Variants in IARS1 observed in about 807,000 individuals in gnomAD.
IARS1 encodes isoleucyl-tRNA synthetase 1.
In IARS1, 124 loss-of-function variants were observed where a neutral mutation model predicts 168.2. The ratio of observed to expected loss-of-function variants is 0.74; its 90% CI spans 0.64 to 0.86. The LOEUF (loss-of-function observed/expected upper bound fraction) is 0.86. IARS1 is among the 40% of genes least tolerant of loss of function. The pLI is 0.00. For synonymous variants in IARS1, 532 were observed against 529.4 expected (o/e 1.00, Z -0.07); for missense variants, 1,452 against 1,515.8 (o/e 0.96, Z 0.70).
At chr9:92,217,604 C>A (rs969106521) in intron 33 of IARS1, among the ~76,000 whole-genome samples, 1 of 150,622 alleles carries the variant, frequency 6.6e-6, no homozygotes. Context: ...CACCACCGAT[C>A]CCACAGAAAT....
rs755497503 is a variant in IARS1, at chr9:92,277,875, G to A, written c.882C>T (p.Asp294=). The A allele has an allele frequency of 6.2e-6, 10 of 1,613,706 alleles. No homozygotes were observed. In the Admixed American group the frequency reaches 1.3e-4, roughly 22 times the overall value. The change falls in exon 9 of 34, where the codon GAC becomes GAT. Residue 294 remains aspartate (D), a synonymous_variant. Coordinates refer to ENST00000443024, the MANE Select transcript of IARS1 (RefSeq NM_002161.6). ...LKGKKYRPLF[D]YFLKCKENGA... is the part of the protein sequence containing the mutation. ...TCCCTAAGCTTACCTTCAGGAAATA[G>A]TCAAACAGGGGCCTGTACTTCTTGC... is the stretch of plus-strand genomic sequence containing the variant.
rs1296064134 is a variant in IARS1 at position 92,274,530 on chromosome 9, A to C, written c.895-9T>G. 10 of 1,598,752 alleles carry C rather than the reference A, an allele frequency of 6.3e-6. No homozygotes were observed. The highest frequency in any genetic ancestry group is 2.2e-5 in the South Asian group (2 of 90,808). ...GCGCCATTCTCTTTACACTGGAAAG[A>C]AAGGACAGCAGGCTTCAGGGATGAA... On this transcript the variant is annotated splice_polypyrimidine_tract_variant and intron_variant, in intron 9 of 33. Coordinates refer to ENST00000443024, the MANE Select transcript of IARS1 (RefSeq NM_002161.6).
chr9:92,221,133 A>AG (rs1839611145), intron 33 of IARS1, among the ~76,000 whole-genome samples: 1 of 152,196 alleles, frequency 6.6e-6, no homozygotes, highest in African/African-American at 2.4e-5. Flanking sequence ...CAGAGGAACA[A>AG]GGGTAAGATA....
intron 30 of IARS1, among the ~76,000 whole-genome samples, chr9:92,231,591 GTTT>G (rs113987313): frequency 1.6e-5 from 2 of 124,990 alleles, no homozygotes; most frequent in Non-Finnish European, 1.7e-5. Flanking sequence ...TTTTGTATTT[GTTT>G]TTTTTTTTTT....
In IARS1 at chr9:92,253,353, T is replaced by C. The variant is rs780740867; in HGVS notation, c.2229+9A>G. ...CTTTTTGCTTTTCCCAACAGCAGTC[T>C]GCACTTACCTTTAATCTTCTGCGGT... On this transcript the variant is annotated intron_variant, in intron 21 of 33. Coordinates refer to ENST00000443024, the MANE Select transcript of IARS1 (RefSeq NM_002161.6). 1.3e-6 allele frequency: 2 copies of C among 1,588,840 alleles called. No homozygotes were observed. The highest frequency in any genetic ancestry group is 3.3e-5 in the Admixed American group (2 of 59,964).
intron 30 of IARS1, chr9:92,240,556 G>C (rs973413563): frequency 3.8e-5 from 24 of 639,970 alleles, no homozygotes; most frequent in Middle Eastern, 4.0e-4. Context: ...TACCATGCCT[G>C]GCCCTTTTTT....
chr9:92,288,559 A>C (rs1375661145), intron 2 of IARS1, among the ~76,000 whole-genome samples: 1 of 152,152 alleles, frequency 6.6e-6, no homozygotes, highest in African/African-American at 2.4e-5. Context: ...GAGTTATCTC[A>C]TCAGTAAAAT....
Position 92,223,432 on chromosome 9 carries a change from G to GCAGT in IARS1, c.3463_3466dup (p.Ala1156AspfsTer13). 1 of 1,613,816 alleles carries GCAGT rather than the reference G, an allele frequency of 6.2e-7. No individual in the cohort carries two copies. Among genetic ancestry groups the GCAGT allele is most frequent in the Non-Finnish European group, 8.5e-7 (1 of 1,179,720 alleles). On this transcript the variant is annotated frameshift_variant, in exon 32 of 34. Transcript: ENST00000443024. LOFTEE classifies it high-confidence loss of function. ...GTTGATCAGAGAGGGAGCCGATCCT[G>GCAGT]CAGTCACACAAAGTGTTTTTCCACT...
In IARS1 at chr9:92,264,954, C is replaced by A. The variant is rs757340440; in HGVS notation, c.1675G>T (p.Glu559Ter). 6.2e-7 allele frequency: 1 copy of A among 1,613,806 alleles called. No individual in the cohort carries two copies. The highest frequency in any genetic ancestry group is 2.2e-5 in the East Asian group (1 of 44,890). Residue 559 changes from glutamate (E) to a stop codon, truncating the protein, a stop_gained, in exon 16 of 34, where the codon GAG becomes TAG. Coordinates refer to ENST00000443024, the MANE Select transcript of IARS1 (RefSeq NM_002161.6). LOFTEE classifies it high-confidence loss of function. Reference protein sequence around the residue: ...EDAFPADFIAEGIDQTRGWFY... With the variant: ...EDAFPADFIA ...CATCCTCTGGTTTGGTCGATGCCCT[C>A]GGCAATGAAATCTGCAGGAAAAGCA...
At chr9:92,281,619 A>C (rs1834585439) in intron 6 of IARS1, among the ~76,000 whole-genome samples, 1 of 152,202 alleles carries the variant, frequency 6.6e-6, no homozygotes, top group Non-Finnish European at 1.5e-5. Context: ...AAATTGTAAC[A>C]GACCCATATA....
At chr9:92,233,969 G>A (rs1019937887) in intron 30 of IARS1, among the ~76,000 whole-genome samples, 3 of 152,032 alleles carry the variant, frequency 2.0e-5, no homozygotes, top group Admixed American at 6.6e-5. Flanking sequence ...CTTTGTTGCC[G>A]AGGCTGGTCT....
Position 92,262,850 on chromosome 9 carries a change from G to C in IARS1, c.1787+119C>G, listed in dbSNP as rs530570824. On this transcript the variant is annotated intron_variant, in intron 17 of 33. Coordinates refer to ENST00000443024, the MANE Select transcript of IARS1 (RefSeq NM_002161.6). ...TTAGCTGTCACACACTCCTTCTTGA[G>C]AAACAGTGGAGACAAAGCTCCACCT... 5 of 710,188 alleles carry C rather than the reference G, an allele frequency of 7.0e-6. No individual in the cohort carries two copies. The East Asian group carries it at 1.3e-4, about 19-fold the overall frequency. 44.0% of individuals were successfully genotyped at this position (710,188 alleles called of 1,614,324 possible).
rs776379340 is a variant in IARS1 at position 92,243,232 on chromosome 9, T to C, written c.2984A>G (p.Gln995Arg). ...CAAACTAACCTTTTTGCGAAGTTTC[T>C]GTATGCGATTGATGACTTCCCGAGC... is the stretch of plus-strand genomic sequence containing the variant. Reference protein sequence around the residue: ...GMAREVINRIQKLRKKCNLVP... With the variant: ...GMAREVINRIRKLRKKCNLVP... Residue 995 changes from glutamine to arginine, a missense_variant, in exon 28 of 34, where the codon CAG (glutamine) becomes CGG (arginine). Gln to Arg is a conservative substitution (Grantham distance 43, BLOSUM62 1). Coordinates refer to ENST00000443024, the MANE Select transcript of IARS1 (RefSeq NM_002161.6). The C allele has an allele frequency of 3.1e-6, 5 of 1,613,350 alleles. No homozygotes were observed. In the Admixed American group the frequency reaches 8.3e-5, roughly 27 times the overall value.
Position 92,264,458 on chromosome 9 carries a change from C to A in IARS1, c.1700+471G>T, listed in dbSNP as rs73516563. On this transcript the variant is annotated intron_variant, in intron 16 of 33. Transcript: ENST00000443024. ...TAAGGCACCAGATAAAAATCAATGC[C>A]CAAATCCTCTCTCATATGTATATTT... Among the ~76,000 whole-genome samples the A allele has an allele frequency of 1.8e-4, 28 of 152,132 alleles. No homozygotes were observed. In the East Asian group the frequency reaches 4.2e-3, roughly 23 times the overall value.
chr9:92,259,202 G>GTA (rs1564175654), intron 18 of IARS1, among the ~76,000 whole-genome samples: 1 of 152,152 alleles, frequency 6.6e-6, no homozygotes, highest in African/African-American at 2.4e-5. Flanking sequence ...TATAAAAGAC[G>GTA]TATATAATCT....
At chr9:92,262,315 A>G (rs1429501134) in intron 17 of IARS1, among the ~76,000 whole-genome samples, 2 of 152,160 alleles carry the variant, frequency 1.3e-5, no homozygotes, top group Non-Finnish European at 2.9e-5. Flanking sequence ...GTTAGGTGAC[A>G]TCCTCTTCCT....
At chr9:92,219,468 A>C (rs1279673031) in intron 33 of IARS1, among the ~76,000 whole-genome samples, 1 of 149,294 alleles carries the variant, frequency 6.7e-6, no homozygotes, top group Non-Finnish European at 1.5e-5. Flanking sequence ...AACTACCATC[A>C]GAGTGAACAG....
intron 20 of IARS1, among the ~76,000 whole-genome samples, chr9:92,256,020 C>T (rs1186930108): frequency 6.7e-6 from 1 of 148,728 alleles, no homozygotes; most frequent in Non-Finnish European, 1.5e-5. Flanking sequence ...ACTATGTACC[C>T]ATAAAAAAAA....
chr9:92,266,738 C>G (rs1363707880), intron 14 of IARS1, among the ~76,000 whole-genome samples: 1 of 152,180 alleles, frequency 6.6e-6, no homozygotes, highest in Non-Finnish European at 1.5e-5. Flanking sequence ...CCCCACCGCC[C>G]GTTTCTTCTC....
Sources: allele counts gnomAD v4.1 joint callset (sites outside exome capture counted in the v4.1 genomes callset), GRCh38; gene constraint gnomAD v4.1.1; transcripts MANE v1.5; gene names NCBI Gene and HGNC (gene_info 2026-07-23, HGNC 2026-07-21).